Variants in NAV2 observed in about 807,000 individuals in gnomAD.
The protein encoded by NAV2 is neuron navigator 2.
A neutral mutation model predicts 223.2 loss-of-function variants in NAV2; 54 were observed. The ratio of observed to expected loss-of-function variants is 0.24; its 90% CI spans 0.19 to 0.30. NAV2 has a LOEUF of 0.30. Among genes scored for constraint, NAV2 ranks in the 10% least tolerant of loss-of-function variants. The pLI is 1.00. For missense variants in NAV2, 2,806 were observed against 3,147.5 expected, an observed-to-expected ratio of 0.89 and a Z score of 2.60; for synonymous variants, 1,279 against 1,239.3, an observed-to-expected ratio of 1.03 and a Z score of -0.67.
At position 20,044,982 on chromosome 11, in the gene NAV2, G is replaced by T; in HGVS notation, c.3214G>T (p.Ala1072Ser). The T allele has an allele frequency of 6.2e-7, 1 of 1,611,470 alleles. No homozygotes were observed. Among genetic ancestry groups the T allele is most frequent in the Non-Finnish European group, 8.5e-7 (1 of 1,179,072 alleles). Residue 1072 changes from alanine (A) to serine (S), a missense_variant, in exon 14 of 38, where the codon GCA becomes TCA. Ala to Ser is a moderately conservative substitution (Grantham distance 99). This residue lies in a region of NAV2 where 742 missense variants were observed against 777.9 expected (regional missense o/e 0.95). Transcript: ENST00000349880. ...KTPGTGKTDD[A>S]KVSEKGRLSP... is the part of the protein sequence containing the mutation. ...CTCTCTCTTAGGAAAAACAGACGAC[G>T]CAAAGGTGTCTGAGAAAGGAAGGCT...
intron 6 of NAV2, among the ~76,000 whole-genome samples, chr11:19,928,857 A>C (rs1181521023): frequency 6.6e-6 from 1 of 152,212 alleles, no homozygotes; most frequent in Non-Finnish European, 1.5e-5. Flanking sequence ...ACAAAGTTCA[A>C]GGTCCAGCCT....
At chr11:19,701,176 A>G (rs540096961) in intron 1 of NAV2, among the ~76,000 whole-genome samples, 2 of 152,254 alleles carry the variant, frequency 1.3e-5, no homozygotes, top group Admixed American at 6.5e-5. Context: ...CTTAGAAAGG[A>G]ACCTGATAAT....
At chr11:19,472,125 A>T (rs2041983809) in intron 1 of NAV2, among the ~76,000 whole-genome samples, 2 of 152,124 alleles carry the variant, frequency 1.3e-5, no homozygotes, top group African/African-American at 4.8e-5. Flanking sequence ...CAGTTTGTTC[A>T]TCTGTAGAAT....
At chr11:19,559,074 C>T (rs2045005852) in intron 1 of NAV2, among the ~76,000 whole-genome samples, 1 of 152,222 alleles carries the variant, frequency 6.6e-6, no homozygotes, top group Non-Finnish European at 1.5e-5. Flanking sequence ...ACACAGGCCT[C>T]TCCTCTTGAT....
intron 1 of NAV2, chr11:19,502,561 T>G (rs2702657): frequency 0.36 from 54,021 of 152,122 alleles, 9,760 homozygotes; most frequent in Admixed American, 0.4. Flanking sequence ...TGCCCAGCTA[T>G]CTAGGCAAGT....
intron 1 of NAV2, among the ~76,000 whole-genome samples, chr11:19,534,908 C>T (rs1249896128): frequency 6.6e-6 from 1 of 152,184 alleles, no homozygotes; most frequent in East Asian, 1.9e-4. Flanking sequence ...GACTGGCCAG[C>T]AATTTCACAT....
intron 8 of NAV2, among the ~76,000 whole-genome samples, chr11:19,940,253 C>T (rs1008120435): frequency 1.4e-5 from 2 of 144,856 alleles, no homozygotes; most frequent in Admixed American, 1.4e-4. Flanking sequence ...TTACCAGAAA[C>T]AAAAAAAAAA....
chr11:19,545,500 A>G (rs2044469562), intron 1 of NAV2, among the ~76,000 whole-genome samples: 1 of 152,204 alleles, frequency 6.6e-6, no homozygotes, highest in African/African-American at 2.4e-5. Flanking sequence ...TGGAAGCCTC[A>G]TTCACTTAAA....
intron 1 of NAV2, among the ~76,000 whole-genome samples, chr11:19,454,948 C>A (rs1046781546): frequency 7.1e-6 from 1 of 140,790 alleles, no homozygotes; most frequent in Non-Finnish European, 1.5e-5. Flanking sequence ...TCTGGGCCAG[C>A]AGCAGCAGCA....
intron 28 of NAV2, among the ~76,000 whole-genome samples, 174 bp from the exon 29 acceptor site, chr11:20,092,925 A>G (rs2060955298): frequency 6.6e-6 from 1 of 151,972 alleles, no homozygotes; most frequent in Non-Finnish European, 1.5e-5. Context: ...TTGGTCCACC[A>G]TTGGTTTCTG....
At chr11:19,807,800 G>T (rs1475124054) in intron 1 of NAV2, among the ~76,000 whole-genome samples, 2 of 152,178 alleles carry the variant, frequency 1.3e-5, no homozygotes, top group East Asian at 1.9e-4. Context: ...CTCTCTACAC[G>T]TTCACCTGTT....
upstream of NAV2, among the ~76,000 whole-genome samples, chr11:19,709,401 G>T (rs528746662): frequency 6.6e-6 from 1 of 151,766 alleles, no homozygotes; most frequent in Non-Finnish European, 1.5e-5. Flanking sequence ...AATTAGCTGG[G>T]CATGGTGGCG....
chr11:19,748,303 A>G (rs1038748487), intron 1 of NAV2, among the ~76,000 whole-genome samples: 2 of 152,202 alleles, frequency 1.3e-5, no homozygotes, highest in Non-Finnish European at 2.9e-5. Context: ...GCAGAGTTCA[A>G]TTAAGCCACT....
chr11:19,862,384 A>G (rs1440835091), intron 3 of NAV2, among the ~76,000 whole-genome samples: 1 of 150,568 alleles, frequency 6.6e-6, no homozygotes, highest in Admixed American at 6.6e-5. Flanking sequence ...TGATTCCCAC[A>G]TTCTTAAGCT....
intron 1 of NAV2, among the ~76,000 whole-genome samples, chr11:19,385,824 C>T (rs1289041382): frequency 2.8e-5 from 4 of 141,206 alleles, no homozygotes; most frequent in Non-Finnish European, 4.5e-5. Flanking sequence ...TGCATTGGCA[C>T]GATCTCGGCT....
chr11:19,670,531 C>T (rs550764119), intron 1 of NAV2, among the ~76,000 whole-genome samples: 2 of 152,236 alleles, frequency 1.3e-5, no homozygotes, highest in African/African-American at 4.8e-5. Flanking sequence ...GAAAAGGCTG[C>T]AGCCACCCTG....
intron 32 of NAV2, 73 bp from the exon 33 acceptor site, chr11:20,103,182 A>G (rs1015209987): frequency 1.4e-6 from 2 of 1,460,342 alleles, no homozygotes; most frequent in Non-Finnish European, 1.9e-6. Context: ...GGTGAGGCAA[A>G]GGCCCTGAGC....
At chr11:20,014,545 A>G (rs2053844040) in intron 11 of NAV2, among the ~76,000 whole-genome samples, 1 of 152,166 alleles carries the variant, frequency 6.6e-6, no homozygotes, top group African/African-American at 2.4e-5. Context: ...GCTTGAGGCC[A>G]GGAATTCAAA....
At chr11:19,810,194 A>T (rs1309068545) in intron 1 of NAV2, among the ~76,000 whole-genome samples, 2 of 152,196 alleles carry the variant, frequency 1.3e-5, no homozygotes, top group Non-Finnish European at 2.9e-5. Flanking sequence ...TTTGTTGCTC[A>T]AATTATTTTG....
Sources: gnomAD v4.1 joint callset for allele counts (sites outside exome capture counted in the v4.1 genomes callset) on GRCh38, gnomAD v4.1.1 for gene constraint, gnomAD v4.1.1 regional missense constraint, MANE v1.5 for transcripts, NCBI Gene and HGNC (gene_info 2026-07-23, HGNC 2026-07-21) for gene names.